Variants in EDA observed in about 807,000 individuals in gnomAD.
EDA encodes ectodysplasin A.
In EDA, 2 loss-of-function variants were observed where a neutral mutation model predicts 23.6. The ratio of observed to expected loss-of-function variants is 0.08; its 90% CI spans 0.03 to 0.27. The LOEUF is 0.27. Ranked by LOEUF, EDA falls within the 10% of genes least tolerant of loss-of-function variation. EDA has a pLI of 1.00. For synonymous variants in EDA, 131 were observed against 132.0 expected (o/e 0.99, Z 0.05); for missense variants, 229 against 324.2 (o/e 0.71, Z 2.26).
intron 2 of EDA, among the ~76,000 whole-genome samples, chrX:70,009,993 ATC>A (rs1271329370): frequency 8.9e-6 from 1 of 112,343 alleles, no homozygotes; most frequent in East Asian, 2.8e-4. Context: ...TTTGTATGAT[ATC>A]TCTTTTTAAT....
intron 1 of EDA, among the ~76,000 whole-genome samples, chrX:69,857,946 C>A (rs1364251026): frequency 8.9e-6 from 1 of 111,991 alleles, no homozygotes; most frequent in Non-Finnish European, 1.9e-5. Context: ...AGATCTTTCA[C>A]CTCCTTGGTT....
At chrX:69,958,990 G>A in intron 2 of EDA, among the ~76,000 whole-genome samples, 1 of 110,952 alleles carries the variant, frequency 9.0e-6, no homozygotes, top group East Asian at 2.8e-4. Context: ...GGCTTCTAAG[G>A]TTTACCTCTT....
intron 1 of EDA, among the ~76,000 whole-genome samples, chrX:69,648,962 G>T (rs1348908205): frequency 6.3e-5 from 7 of 111,499 alleles, no homozygotes. Context: ...CTGGGGCAGG[G>T]TCACACAATC....
In EDA at chrX:69,824,505, C is replaced by T. The variant is rs1360315293; in HGVS notation, c.397-132522C>T. Among the ~76,000 whole-genome samples the T allele has an allele frequency of 7.3e-5, 8 of 109,925 alleles. 1 individual carries two copies. The highest frequency in any genetic ancestry group is 5.9e-4 in the Admixed American group (6 of 10,252). ...CATGATTTGGCTCTCTGTTTGTCTGCTGTTGGTGTATAAGAATGCTTGTGC... is the reference window on the plus strand; with the variant it reads ...CATGATTTGGCTCTCTGTTTGTCTGTTGTTGGTGTATAAGAATGCTTGTGC... On this transcript the variant is annotated intron_variant, in intron 1 of 7. Coordinates refer to ENST00000374552, the MANE Select transcript of EDA (RefSeq NM_001399.5).
intron 1 of EDA, among the ~76,000 whole-genome samples, chrX:69,786,649 T>G (rs1264977539): frequency 1.8e-5 from 2 of 109,392 alleles, no homozygotes; most frequent in Non-Finnish European, 1.9e-5. Flanking sequence ...CACTGTGGTC[T>G]GAGAGATAGT....
At chrX:69,964,880 T>G (rs1002682699) in intron 2 of EDA, among the ~76,000 whole-genome samples, 7 of 112,046 alleles carry the variant, frequency 6.2e-5, no homozygotes, top group Non-Finnish European at 1.3e-4. Context: ...AAGGAACTAC[T>G]ACAGCTTCCT....
At chrX:69,937,058 G>A in intron 1 of EDA, 1 of 519,604 alleles carries the variant, frequency 1.9e-6, no homozygotes, top group Admixed American at 3.3e-5. Flanking sequence ...AGGGCGGGGG[G>A]AAGGGACTGT....
intron 1 of EDA, among the ~76,000 whole-genome samples, chrX:69,897,381 C>T (rs1391739733): frequency 8.9e-6 from 1 of 111,778 alleles, no homozygotes; most frequent in Non-Finnish European, 1.9e-5. Flanking sequence ...TGTAAATCTT[C>T]TCCATTCGCC....
At chrX:69,830,914 G>C (rs1021505432) in intron 1 of EDA, among the ~76,000 whole-genome samples, 3 of 111,300 alleles carry the variant, frequency 2.7e-5, no homozygotes, top group African/African-American at 9.8e-5. Context: ...AGAGTAGAGG[G>C]TTCCATAGCC....
intron 1 of EDA, among the ~76,000 whole-genome samples, chrX:69,788,381 T>C (rs1236898875): frequency 2.7e-5 from 3 of 111,978 alleles, no homozygotes; most frequent in African/African-American, 9.8e-5. Context: ...CTTTTTAGAG[T>C]TTCCAGTTTT....
intron 1 of EDA, among the ~76,000 whole-genome samples, chrX:69,908,569 G>A (rs1301052472): frequency 9.1e-6 from 1 of 109,999 alleles, no homozygotes; most frequent in East Asian, 2.8e-4. Flanking sequence ...CCAAGGCAAG[G>A]TACCATACTT....
chrX:69,833,034 T>C (rs1355750019), intron 1 of EDA, among the ~76,000 whole-genome samples: 1 of 111,403 alleles, frequency 9.0e-6, no homozygotes, highest in Non-Finnish European at 1.9e-5. Context: ...CCTTTATTTA[T>C]TTCTCCTGCC....
chrX:69,703,910 A>T (rs1184300357), intron 1 of EDA, among the ~76,000 whole-genome samples: 1 of 111,953 alleles, frequency 8.9e-6, no homozygotes, highest in Non-Finnish European at 1.9e-5. Context: ...GTTGTTGTTA[A>T]TCTCTTACTG....
intron 1 of EDA, among the ~76,000 whole-genome samples, chrX:69,761,886 C>G (rs2014319224): frequency 9.0e-6 from 1 of 111,694 alleles, no homozygotes; most frequent in African/African-American, 3.3e-5. Flanking sequence ...CTTTTAGACA[C>G]AATCTTAAGA....
At chrX:69,832,034 T>C (rs2016624255) in intron 1 of EDA, among the ~76,000 whole-genome samples, 1 of 111,882 alleles carries the variant, frequency 8.9e-6, no homozygotes, top group Non-Finnish European at 1.9e-5. Context: ...AGAAGCTCTT[T>C]AGTTTAATTA....
chrX:69,715,893 G>A (rs768600814), intron 1 of EDA, among the ~76,000 whole-genome samples: 28 of 111,090 alleles, frequency 2.5e-4, no homozygotes, highest in Middle Eastern at 4.7e-3. Flanking sequence ...TTTGAAAAGT[G>A]TCTGTTCATG....
chrX:69,739,253 G>A (rs1428065282), intron 1 of EDA, among the ~76,000 whole-genome samples: 1 of 110,591 alleles, frequency 9.0e-6, no homozygotes, highest in Non-Finnish European at 1.9e-5. Flanking sequence ...TTTATCTTTG[G>A]TAAACATTTT....
At chrX:69,834,694 G>C (rs1473348182) in intron 1 of EDA, among the ~76,000 whole-genome samples, 2 of 110,905 alleles carry the variant, frequency 1.8e-5, no homozygotes, top group Non-Finnish European at 3.8e-5. Context: ...CTTTTAACTG[G>C]GGCATTTAGC....
At chrX:70,013,622 C>A (rs922136288) in intron 2 of EDA, among the ~76,000 whole-genome samples, 2 of 111,242 alleles carry the variant, frequency 1.8e-5, no homozygotes, top group Non-Finnish European at 3.8e-5. Context: ...AGCCTCTGAC[C>A]CCCTGCTCTT....
Sources: gnomAD v4.1 joint callset for allele counts (sites outside exome capture counted in the v4.1 genomes callset) on GRCh38, gnomAD v4.1.1 for gene constraint, MANE v1.5 for transcripts, NCBI Gene and HGNC (gene_info 2026-07-23, HGNC 2026-07-21) for gene names.